The following CLPTM1 variants were observed in gnomAD, a reference collection of about 807,000 sequenced individuals.
CLPTM1 encodes the protein CLPTM1 regulator of GABA type A receptor forward trafficking, also known as putative lipid scramblase CLPTM1.
CLPTM1 carries 21 observed loss-of-function variants against 77.3 expected under a neutral mutation model. That is an observed-to-expected ratio of 0.27 (90% confidence interval 0.19 to 0.39). The LOEUF is 0.39. Ranked by LOEUF, CLPTM1 falls within the 10% of genes least tolerant of loss-of-function variation. The pLI is 1.00. For missense variants in CLPTM1, 642 were observed against 921.2 expected, an observed-to-expected ratio of 0.70 and a Z score of 3.92; for synonymous variants, 373 against 381.0, an observed-to-expected ratio of 0.98 and a Z score of 0.24.
At chr19:44,966,271 CAT>C (rs1199550678) in intron 2 of CLPTM1, among the ~76,000 whole-genome samples, 25 of 151,756 alleles carry the variant, frequency 1.6e-4, no homozygotes, top group Non-Finnish European at 3.2e-4. Context: ...ATTAGCCGGG[CAT>C]GGTGGCAGGC....
At chr19:44,981,329 T>G (rs1414155247) in intron 5 of CLPTM1, among the ~76,000 whole-genome samples, 1 of 151,506 alleles carries the variant, frequency 6.6e-6, no homozygotes, top group Non-Finnish European at 1.5e-5. Flanking sequence ...ATAGTAGAGA[T>G]AGGGTTTCTC....
In CLPTM1 at chr19:44,993,116, G is replaced by A; in HGVS notation, c.*219G>A. The A allele has an allele frequency of 1.9e-6, 1 of 517,058 alleles. No individual in the cohort carries two copies. The highest frequency in any genetic ancestry group is 3.7e-6 in the Non-Finnish European group (1 of 272,238). 32.0% of individuals were successfully genotyped at this position (517,058 alleles called of 1,614,324 possible). ...GTCCCTCTGTCCCTCTGTGTTTCCA[G>A]CCATCTCGCCCTGCCAGCCCAGCAC... On this transcript the variant is annotated 3_prime_UTR_variant, in exon 14 of 14. Coordinates refer to ENST00000337392, the MANE Select transcript of CLPTM1 (RefSeq NM_001294.4).
Position 44,977,345 on chromosome 19 carries a change from C to T in CLPTM1, c.471C>T (p.Ser157=), listed in dbSNP as rs764596036. The T allele has an allele frequency of 4.0e-5, 64 of 1,608,028 alleles. No homozygotes were observed. The highest frequency in any genetic ancestry group is 3.7e-4 in the Admixed American group (22 of 59,984). The part of the protein sequence containing the change: ...EHFAELDIPQ[S]VQQNGSIYIH... ...ACCTGACCTTCCGTCTTTTGCAGAG[C>T]GTCCAGCAGAACGGCTCCATCTACA... The change falls in exon 5 of 14, where the codon AGC becomes AGT. Residue 157 remains serine (S), a splice_region_variant and synonymous_variant. Coordinates refer to ENST00000337392, the MANE Select transcript of CLPTM1 (RefSeq NM_001294.4).
intron 2 of CLPTM1, among the ~76,000 whole-genome samples, chr19:44,972,080 A>G (rs907728910): frequency 6.6e-6 from 1 of 151,638 alleles, no homozygotes. Flanking sequence ...CATGTTGGCC[A>G]CGATGATCTC....
At chr19:44,988,907 G>A (rs941530814) in intron 9 of CLPTM1, among the ~76,000 whole-genome samples, 1 of 152,206 alleles carries the variant, frequency 6.6e-6, no homozygotes, top group African/African-American at 2.4e-5. Flanking sequence ...TGCCGGCCTG[G>A]TGGTGGCTCT....
At chr19:44,973,019 A>C in intron 2 of CLPTM1, 68 bp from the exon 3 acceptor site, 1 of 1,583,298 alleles carries the variant, frequency 6.3e-7, no homozygotes, top group Non-Finnish European at 8.6e-7. Flanking sequence ...AGTCAGAAGG[A>C]AGTCAGGCGG....
rs1441944705 is a variant in CLPTM1, at chr19:44,991,433, C to T, written c.1555+60C>T. On this transcript the variant is annotated intron_variant, in intron 12 of 13. Coordinates refer to ENST00000337392, the MANE Select transcript of CLPTM1 (RefSeq NM_001294.4). This position sits in a 1 kb window ranked among gnomAD's most constrained non-coding sequence, Gnocchi z 5.4. ...CCCATGCTGCGCAGGGCTCACAGCC[C>T]CAGTGTAGGAGACAGACCCATCCCC... 10 of 1,584,832 alleles carry T rather than the reference C, an allele frequency of 6.3e-6. No homozygotes were observed. The highest frequency in any genetic ancestry group is 5.0e-5 in the Admixed American group (3 of 59,568).
rs530990357 is a variant in CLPTM1, at chr19:44,977,003, G to A, written c.469-340G>A. The stretch of plus-strand genomic sequence containing the variant: ...CTTCTTCCTGTTGAGTGAGCTTAAC[G>A]AGAGCTCGTTGACTGAGCTGTGTGC... On this transcript the variant is annotated intron_variant, in intron 4 of 13. Coordinates refer to ENST00000337392, the MANE Select transcript of CLPTM1 (RefSeq NM_001294.4). Among the ~76,000 whole-genome samples, 25 of 152,242 alleles carry A rather than the reference G, an allele frequency of 1.6e-4. No individual in the cohort carries two copies. In the South Asian group the frequency reaches 3.9e-3, roughly 24 times the overall value.
intron 2 of CLPTM1, among the ~76,000 whole-genome samples, chr19:44,971,912 C>G (rs1199370225): frequency 1.8e-5 from 2 of 113,518 alleles, no homozygotes; most frequent in Non-Finnish European, 3.3e-5. Flanking sequence ...CACTCTGTTG[C>G]AAGGCTGGAG....
rs765781819 is a variant in CLPTM1, at chr19:44,992,184, G to A, written c.1556-49G>A. 1.9e-6 allele frequency: 3 copies of A among 1,602,516 alleles called. No homozygotes were observed. Among genetic ancestry groups the A allele is most frequent in the Non-Finnish European group, 2.6e-6 (3 of 1,171,296 alleles). On this transcript the variant is annotated intron_variant, in intron 12 of 13. Transcript: ENST00000337392. This position sits in a 1 kb window ranked among gnomAD's most constrained non-coding sequence, Gnocchi z 7.7. ...GTATGGCCAGTGCAGAGTGCACAGGGGAGAGGTGGGAGAGGCCATCCCTCT... is the reference window on the plus strand; with the variant it reads ...GTATGGCCAGTGCAGAGTGCACAGGAGAGAGGTGGGAGAGGCCATCCCTCT...
upstream of CLPTM1, chr19:44,954,748 C>T: frequency 1.5e-6 from 2 of 1,318,310 alleles, no homozygotes; most frequent in East Asian, 3.2e-5. Context: ...CAGGGCAGTC[C>T]GAAGGCTTGG....
At chr19:44,966,402 C>G (rs535418878) in intron 2 of CLPTM1, among the ~76,000 whole-genome samples, 1 of 132,716 alleles carries the variant, frequency 7.5e-6, no homozygotes, top group Admixed American at 8.0e-5. Context: ...CAGAGCGAGA[C>G]ACAGTCTCAA....
chr19:44,990,761 G>T lies in CLPTM1; in HGVS notation c.1324-89G>T. The T allele has an allele frequency of 7.5e-7, 1 of 1,336,054 alleles. No homozygotes were observed. Among genetic ancestry groups the T allele is most frequent in the South Asian group, 1.2e-5 (1 of 82,392 alleles). 82.8% of individuals were successfully genotyped at this position (1,336,054 alleles called of 1,614,324 possible). ...GGGTCACACATGGGGCAGGGGAACT[G>T]GGAACGGTGGGGAAGGGCAGGGGCT... is the stretch of plus-strand genomic sequence containing the variant. On this transcript the variant is annotated intron_variant, in intron 10 of 13. Coordinates refer to ENST00000337392, the MANE Select transcript of CLPTM1 (RefSeq NM_001294.4). The surrounding 1 kb of genome is among the most constrained non-coding windows in gnomAD (Gnocchi z 4.8).
intron 5 of CLPTM1, among the ~76,000 whole-genome samples, chr19:44,981,301 C>T (rs1430542585): frequency 6.6e-6 from 1 of 152,076 alleles, no homozygotes; most frequent in Non-Finnish European, 1.5e-5. Context: ...GTCACCACGC[C>T]CAGCTAATTT....
chr19:44,972,005 G>C (rs954132866), intron 2 of CLPTM1, among the ~76,000 whole-genome samples: 1 of 148,760 alleles, frequency 6.7e-6, no homozygotes, highest in Admixed American at 6.9e-5. Flanking sequence ...CAAGTAGATG[G>C]GACTAGAGGC....
At chr19:44,987,535 C>T (rs771320019) in intron 8 of CLPTM1, 112 bp downstream of exon 8, 18 of 1,424,380 alleles carry the variant, frequency 1.3e-5, no homozygotes, top group African/African-American at 2.8e-5. Flanking sequence ...GCTCCTCTGC[C>T]CACAGTTTCA....
chr19:44,965,381 C>T (rs1319312924), intron 2 of CLPTM1, among the ~76,000 whole-genome samples: 2 of 151,834 alleles, frequency 1.3e-5, no homozygotes, highest in East Asian at 1.9e-4. Context: ...GCCTGTAGTC[C>T]CAGCTACTCG....
intron 2 of CLPTM1, among the ~76,000 whole-genome samples, chr19:44,967,758 AGG>A (rs1970657023): frequency 6.6e-6 from 1 of 152,104 alleles, no homozygotes; most frequent in Non-Finnish European, 1.5e-5. Flanking sequence ...AGTGTCACAC[AGG>A]ACACTGAGAA....
rs776478373 is a variant in CLPTM1, at chr19:44,981,319, A to AT, written c.586+3860dup. Among the ~76,000 whole-genome samples, 552 of 151,060 alleles carry AT rather than the reference A, an allele frequency of 3.7e-3. 2 individuals are homozygous for AT. The highest frequency in any genetic ancestry group is 7.3e-3 in the Admixed American group (110 of 15,140). On this transcript the variant is annotated intron_variant, in intron 5 of 13. Coordinates refer to ENST00000337392, the MANE Select transcript of CLPTM1 (RefSeq NM_001294.4). ...ACCACGCCCAGCTAATTTTGTATTT[A>AT]TAGTAGAGATAGGGTTTCTCCATGT... is the stretch of plus-strand genomic sequence containing the variant.
Sources: allele counts gnomAD v4.1 joint callset (sites outside exome capture counted in the v4.1 genomes callset), GRCh38; gene constraint gnomAD v4.1.1; non-coding constraint Gnocchi (gnomAD v3.1); transcripts MANE v1.5; gene names NCBI Gene and HGNC (gene_info 2026-07-23, HGNC 2026-07-21).